KHDRBS2: variants seen among roughly 807,000 people sequenced by gnomAD.
KHDRBS2 encodes the protein KH RNA binding domain containing, signal transduction associated 2.
A neutral mutation model predicts 44.3 loss-of-function variants in KHDRBS2; 26 were observed. The observed-to-expected ratio is 0.59, with a 90% CI of 0.43 to 0.81. The LOEUF (loss-of-function observed/expected upper bound fraction) is 0.81, where lower values mean the gene tolerates loss of function less well. KHDRBS2 is among the 40% of genes least tolerant of loss of function. The pLI, the probability that KHDRBS2 is intolerant of heterozygous loss-of-function variation, is 0.00. For missense variants in KHDRBS2, 476 were observed against 433.1 expected, an observed-to-expected ratio of 1.10 and a Z score of -0.88; for synonymous variants, 194 against 151.1, an observed-to-expected ratio of 1.28 and a Z score of -2.08.
intron 6 of KHDRBS2, among the ~76,000 whole-genome samples, chr6:61,856,930 CT>C (rs1796242777): frequency 6.6e-6 from 1 of 152,072 alleles, no homozygotes; most frequent in Admixed American, 6.6e-5. Flanking sequence ...AAAACAGTTT[CT>C]TTGTCCAGAA....
chr6:62,088,503 C>A (rs923496980), intron 2 of KHDRBS2, among the ~76,000 whole-genome samples: 4 of 152,182 alleles, frequency 2.6e-5, no homozygotes, highest in African/African-American at 9.6e-5. Flanking sequence ...CACTCCAGAA[C>A]CTCTTTGCCT....
At chr6:61,701,472 C>T (rs1399450959) in intron 7 of KHDRBS2, among the ~76,000 whole-genome samples, 1 of 151,772 alleles carries the variant, frequency 6.6e-6, no homozygotes, top group Admixed American at 6.6e-5. Context: ...CATATATGAC[C>T]CCTAGAACAA....
intron 2 of KHDRBS2, among the ~76,000 whole-genome samples, chr6:62,150,891 T>C (rs1294397624): frequency 6.6e-6 from 1 of 152,220 alleles, no homozygotes; most frequent in Non-Finnish European, 1.5e-5. Flanking sequence ...TGTCTTGTTC[T>C]TACATCCATT....
In KHDRBS2 at chr6:61,728,176, C is replaced by T. The variant is rs142055464; in HGVS notation, c.893+4506G>A. Among the ~76,000 whole-genome samples the T allele has an allele frequency of 3.7e-3, 569 of 152,146 alleles. 5 individuals carry two copies. The highest frequency in any genetic ancestry group is 0.013 in the African/African-American group (535 of 41,498). ...ATTGGAAGCCATTATCCTTAGCAAA[C>T]TAATGCAGGAAGAGAAAACCAAAAA... On this transcript the variant is annotated intron_variant, in intron 7 of 8. Coordinates refer to ENST00000281156, the MANE Select transcript of KHDRBS2 (RefSeq NM_152688.4).
In KHDRBS2 at chr6:62,282,998, T is replaced by C. The variant is rs569520844; in HGVS notation, c.91+2860A>G. Among the ~76,000 whole-genome samples the C allele has an allele frequency of 2.6e-5, 4 of 152,238 alleles. No homozygotes were observed. In the East Asian group the frequency reaches 7.7e-4, roughly 29 times the overall value. ...GCACTTCCCAGAAGCAGAAAAGATA[T>C]AAATAAACTTATGTAATTTCATCTG... is the stretch of plus-strand genomic sequence containing the variant. On this transcript the variant is annotated intron_variant, in intron 1 of 8. Transcript: ENST00000281156.
rs141436608 is a variant in KHDRBS2 at position 62,084,049 on chromosome 6, C to G, written c.220-36055G>C. Among the ~76,000 whole-genome samples the G allele has an allele frequency of 3.8e-4, 58 of 152,148 alleles. 1 individual carries two copies. In the East Asian group the frequency reaches 8.5e-3, roughly 22 times the overall value. On this transcript the variant is annotated intron_variant, in intron 2 of 8. Transcript: ENST00000281156. Reference sequence around the variant, plus strand: ...TGATATAACCAGATATTTTGTTATTCCTTTCTTGTACTCCTCCAATTAGTA... The same window carrying G: ...TGATATAACCAGATATTTTGTTATTGCTTTCTTGTACTCCTCCAATTAGTA...
chr6:61,568,044 T>C, the KHDRBS2 span, among the ~76,000 whole-genome samples: 1 of 152,174 alleles, frequency 6.6e-6, no homozygotes, highest in Non-Finnish European at 1.5e-5. Flanking sequence ...TCCAATGTCA[T>C]TCTTCTGCAT....
At chr6:61,607,016 T>C in the KHDRBS2 span, among the ~76,000 whole-genome samples, 1 of 151,958 alleles carries the variant, frequency 6.6e-6, no homozygotes, top group African/African-American at 2.4e-5. Flanking sequence ...AGTTATCAAA[T>C]AAAACATAAG....
chr6:61,796,602 G>A (rs1785388629), intron 6 of KHDRBS2, among the ~76,000 whole-genome samples: 1 of 151,836 alleles, frequency 6.6e-6, no homozygotes, highest in Admixed American at 6.6e-5. Flanking sequence ...TCATGTAATT[G>A]GAAAAGTAAT....
chr6:61,962,445 C>T (rs1218009003), intron 4 of KHDRBS2, among the ~76,000 whole-genome samples: 2 of 152,014 alleles, frequency 1.3e-5, no homozygotes, highest in African/African-American at 4.8e-5. Flanking sequence ...CTATGGGCTG[C>T]ACACTCTAAG....
the KHDRBS2 span, among the ~76,000 whole-genome samples, chr6:61,603,198 C>A: frequency 6.6e-6 from 1 of 152,144 alleles, no homozygotes. Flanking sequence ...TCCATTTTAC[C>A]TGTCCTAAAA....
At chr6:61,567,913 A>G in the KHDRBS2 span, among the ~76,000 whole-genome samples, 4 of 151,944 alleles carry the variant, frequency 2.6e-5, no homozygotes, top group Admixed American at 6.5e-5. Context: ...CAGAATTCAA[A>G]TTTTTTTATC....
chr6:61,804,702 C>T (rs1008124069), intron 6 of KHDRBS2, among the ~76,000 whole-genome samples: 1 of 152,208 alleles, frequency 6.6e-6, no homozygotes, highest in African/African-American at 2.4e-5. Context: ...GCTTCCAAAG[C>T]TTATGGCTTG....
At chr6:62,284,265 A>T (rs1424913237) in intron 1 of KHDRBS2, among the ~76,000 whole-genome samples, 2 of 152,138 alleles carry the variant, frequency 1.3e-5, no homozygotes, top group African/African-American at 2.4e-5. Context: ...ACTTGTCTCA[A>T]ATAGAACTCC....
intron 1 of KHDRBS2, among the ~76,000 whole-genome samples, chr6:62,201,629 CAA>C (rs1244787988): frequency 6.6e-6 from 1 of 151,924 alleles, no homozygotes. Context: ...TTTGCAAATT[CAA>C]AGTTTCACTT....
chr6:62,183,181 C>A (rs1822702962), intron 1 of KHDRBS2, among the ~76,000 whole-genome samples: 1 of 151,626 alleles, frequency 6.6e-6, no homozygotes, highest in Non-Finnish European at 1.5e-5. Flanking sequence ...GATTATATTT[C>A]TTTTTATGAT....
the KHDRBS2 span, among the ~76,000 whole-genome samples, chr6:61,565,525 A>C: frequency 1.3e-5 from 2 of 152,198 alleles, no homozygotes; most frequent in African/African-American, 2.4e-5. Context: ...GATGCTTTTC[A>C]AAAGAAGACA....
intron 4 of KHDRBS2, among the ~76,000 whole-genome samples, chr6:61,905,828 TA>T (rs1006784096): frequency 1.8e-4 from 27 of 146,100 alleles, no homozygotes; most frequent in African/African-American, 3.3e-4. Context: ...CCTAAATGCT[TA>T]AAAAAAATAT....
chr6:61,630,668 T>C, the KHDRBS2 span, among the ~76,000 whole-genome samples: 2 of 152,002 alleles, frequency 1.3e-5, no homozygotes, highest in African/African-American at 2.4e-5. Context: ...AAAGTGAGGT[T>C]TCCTAGGAGT....
Sources: gnomAD v4.1 joint callset for allele counts (sites outside exome capture counted in the v4.1 genomes callset) on GRCh38, gnomAD v4.1.1 for gene constraint, MANE v1.5 for transcripts, NCBI Gene and HGNC (gene_info 2026-07-23, HGNC 2026-07-21) for gene names.